The following PCSK6 variants were observed in gnomAD, a reference collection of about 807,000 sequenced individuals.
The protein encoded by PCSK6 is paired basic amino acid cleaving enzyme 4.
In PCSK6, 85 loss-of-function variants were observed where a neutral mutation model predicts 123.3. The ratio of observed to expected loss-of-function variants is 0.69; its 90% confidence interval spans 0.58 to 0.83. The LOEUF (loss-of-function observed/expected upper bound fraction) is 0.83, where lower values mean the gene tolerates loss of function less well. Among genes scored for constraint, PCSK6 ranks in the 40% least tolerant of loss-of-function variants. The pLI, the probability that PCSK6 is intolerant of heterozygous loss-of-function variation, is 0.00. For missense variants in PCSK6, 1,191 were observed against 1,282.3 expected, an observed-to-expected ratio of 0.93 and a Z score of 1.09; for synonymous variants, 508 against 516.0, an observed-to-expected ratio of 0.98 and a Z score of 0.21.
At chr15:101,394,402 A>G (rs757487845) in intron 7 of PCSK6, among the ~76,000 whole-genome samples, 15 of 152,246 alleles carry the variant, frequency 9.9e-5, no homozygotes, top group Non-Finnish European at 1.2e-4. Context: ...TTCTGACCAC[A>G]CTGAGAATCA....
rs190731374 is a variant in PCSK6 at position 101,327,173 on chromosome 15, G to A, written c.2078-694C>T. 3.1e-3 allele frequency among the ~76,000 whole-genome samples: 470 copies of A among 152,266 alleles called. 1 individual carries two copies. Among genetic ancestry groups the A allele is most frequent in the Non-Finnish European group, 5.0e-3 (341 of 68,006 alleles). On this transcript the variant is annotated intron_variant, in intron 15 of 21. Transcript: ENST00000611716. ...TAGGCTTTCCTTGGAGCCCTTGGTG[G>A]GACGGCAGCTGTGTCTTCCCTCAAG...
intron 1 of PCSK6, among the ~76,000 whole-genome samples, chr15:101,446,695 T>A (rs11634270): frequency 0.25 from 37,799 of 152,106 alleles, 4,780 homozygotes; most frequent in South Asian, 0.32. Context: ...GTACAGCATT[T>A]GCTGCTGAGA....
intron 13 of PCSK6, among the ~76,000 whole-genome samples, chr15:101,359,754 C>T (rs755025016): frequency 1.3e-5 from 2 of 152,248 alleles, no homozygotes; most frequent in African/African-American, 2.4e-5. Flanking sequence ...GCCTAAAGCT[C>T]GCTCAGCACC....
chr15:101,414,750 G>A (rs765456074), intron 6 of PCSK6, among the ~76,000 whole-genome samples: 5 of 150,918 alleles, frequency 3.3e-5, no homozygotes, highest in Non-Finnish European at 5.9e-5. Context: ...ACAGATGGAC[G>A]GACAGATGGA....
At chr15:101,438,557 C>T (rs980501551) in intron 2 of PCSK6, among the ~76,000 whole-genome samples, 1 of 152,192 alleles carries the variant, frequency 6.6e-6, no homozygotes. Flanking sequence ...GGCTTGCATG[C>T]TTTGAACTCC....
intron 11 of PCSK6, among the ~76,000 whole-genome samples, chr15:101,374,702 C>T (rs553161832): frequency 3.9e-5 from 6 of 152,322 alleles, no homozygotes; most frequent in African/African-American, 1.2e-4. Context: ...GACCCGCTAA[C>T]GGGAGTGAAT....
intron 17 of PCSK6, among the ~76,000 whole-genome samples, chr15:101,323,972 G>T (rs1203277614): frequency 1.3e-5 from 2 of 152,136 alleles, no homozygotes; most frequent in Non-Finnish European, 2.9e-5. Flanking sequence ...TTTAACCCAA[G>T]CCCTGCTTTT....
Position 101,318,293 on chromosome 15 carries a change from G to A in PCSK6, c.2569+26C>T, listed in dbSNP as rs766432863. ...GCCTACGCTTGGGTGACGCTGGCCCGAGGCCTCCGCAGGCGGTGAACTCAC... is the reference window on the plus strand; with the variant it reads ...GCCTACGCTTGGGTGACGCTGGCCCAAGGCCTCCGCAGGCGGTGAACTCAC... On this transcript the variant is annotated intron_variant, in intron 19 of 21. Coordinates refer to ENST00000611716, the MANE Select transcript of PCSK6 (RefSeq NM_002570.5). 7.0e-5 allele frequency: 106 copies of A among 1,512,518 alleles called. 1 individual carries two copies. The Admixed American group carries it at 1.9e-3, about 27-fold the overall frequency. 93.7% of individuals were successfully genotyped at this position (1,512,518 alleles called of 1,614,324 possible).
At position 101,470,069 on chromosome 15, in the gene PCSK6, G is replaced by T. The variant is rs553591020; in HGVS notation, c.297+19305C>A. On this transcript the variant is annotated intron_variant, in intron 1 of 21. Transcript: ENST00000611716. ...GGTGCTTCTAACTGCCATTTTTTTTGAAGAAAGAGCTGAACCATTCCAACT... is the reference window on the plus strand; with the variant it reads ...GGTGCTTCTAACTGCCATTTTTTTTTAAGAAAGAGCTGAACCATTCCAACT... Among the ~76,000 whole-genome samples, 11 of 152,142 alleles carry T rather than the reference G, an allele frequency of 7.2e-5. No individual in the cohort carries two copies. The East Asian group carries it at 1.2e-3, about 16-fold the overall frequency.
rs2056626814 is a variant in PCSK6, at chr15:101,437,249, A to C, written c.403-5149T>G. 2.6e-5 allele frequency among the ~76,000 whole-genome samples: 4 copies of C among 152,208 alleles called. 1 individual carries two copies. In the South Asian group the frequency reaches 8.3e-4, roughly 32 times the overall value. On this transcript the variant is annotated intron_variant, in intron 2 of 21. Coordinates refer to ENST00000611716, the MANE Select transcript of PCSK6 (RefSeq NM_002570.5). ...CATCTTCCAGCAGGGCAAGAGGGCC[A>C]TCGTGACAAGTGAGAGACGATTACA...
intron 1 of PCSK6, among the ~76,000 whole-genome samples, chr15:101,460,886 T>G (rs887901155): frequency 1.3e-5 from 2 of 152,188 alleles, no homozygotes; most frequent in African/African-American, 4.8e-5. Flanking sequence ...TCATGGGAAC[T>G]GTGGACATGA....
chr15:101,313,973 G>A (rs2039930742), intron 19 of PCSK6: 1 of 154,386 alleles, frequency 6.5e-6, no homozygotes, highest in Non-Finnish European at 1.4e-5. Flanking sequence ...TCATTTGACT[G>A]TTTAAGATAT....
At chr15:101,323,916 C>A (rs932356947) in intron 17 of PCSK6, among the ~76,000 whole-genome samples, 6 of 152,102 alleles carry the variant, frequency 3.9e-5, no homozygotes, top group Non-Finnish European at 7.4e-5. Flanking sequence ...ACCACGAGTG[C>A]CAAACGGTAG....
rs967119666 is a variant in PCSK6 at position 101,374,804 on chromosome 15, C to T, written c.1533-4281G>A. Among the ~76,000 whole-genome samples the T allele has an allele frequency of 2.8e-4, 43 of 152,328 alleles. 1 individual carries two copies. Among genetic ancestry groups the T allele is most frequent in the African/African-American group, 1.0e-3 (42 of 41,570 alleles). On this transcript the variant is annotated intron_variant, in intron 11 of 21. Coordinates refer to ENST00000611716, the MANE Select transcript of PCSK6 (RefSeq NM_002570.5). ...GCACACAGTGCCCGTGTGAAGGTGGCAAGAGGCTTCTAGGTCACTTCTCAG... is the reference window on the plus strand; with the variant it reads ...GCACACAGTGCCCGTGTGAAGGTGGTAAGAGGCTTCTAGGTCACTTCTCAG...
intron 6 of PCSK6, among the ~76,000 whole-genome samples, chr15:101,404,172 G>C (rs1445165046): frequency 6.6e-6 from 1 of 152,178 alleles, no homozygotes; most frequent in African/African-American, 2.4e-5. Context: ...AATTTTAATA[G>C]AGCAAGAGCT....
At chr15:101,489,003 G>T (rs1194281721) in intron 1 of PCSK6, among the ~76,000 whole-genome samples, 3 of 150,160 alleles carry the variant, frequency 2.0e-5, no homozygotes, top group Non-Finnish European at 3.0e-5. Context: ...GACGGCGCGC[G>T]ACGCCTGAGG....
chr15:101,312,141 C>T (rs1390659130), intron 20 of PCSK6: 1 of 83,948 alleles, frequency 1.2e-5, no homozygotes, highest in Non-Finnish European at 2.3e-5. Context: ...CATCGTCACC[C>T]CTCACAGCCC....
chr15:101,463,043 G>T (rs765624787), intron 1 of PCSK6: 2 of 462,084 alleles, frequency 4.3e-6, no homozygotes, highest in Non-Finnish European at 8.7e-6. Context: ...GTGAGAGTTC[G>T]CTGCCAAAAC....
At chr15:101,377,074 G>A (rs2041767837) in intron 11 of PCSK6, among the ~76,000 whole-genome samples, 1 of 152,236 alleles carries the variant, frequency 6.6e-6, no homozygotes, top group African/African-American at 2.4e-5. Flanking sequence ...CAGGCTGTGT[G>A]CTTGAGCACA....
Sources: gnomAD v4.1 joint callset for allele counts (sites outside exome capture counted in the v4.1 genomes callset) on GRCh38, gnomAD v4.1.1 for gene constraint, MANE v1.5 for transcripts, NCBI Gene and HGNC (gene_info 2026-07-23, HGNC 2026-07-21) for gene names.